Variants in R3HDM2 observed in about 807,000 individuals in gnomAD.
The protein encoded by R3HDM2 is R3H domain containing 2.
A neutral mutation model predicts 124.5 loss-of-function variants in R3HDM2; 38 were observed. That is an observed-to-expected ratio of 0.31 (90% confidence interval 0.24 to 0.40). R3HDM2 has a LOEUF of 0.40. Among genes scored for constraint, R3HDM2 ranks in the 10% least tolerant of loss-of-function variants. The pLI, the probability that R3HDM2 is intolerant of heterozygous loss-of-function variation, is 1.00. For synonymous variants in R3HDM2, 391 were observed against 448.0 expected, an observed-to-expected ratio of 0.87 and a Z score of 1.61; for missense variants, 869 against 1,236.9, an observed-to-expected ratio of 0.70 and a Z score of 4.46.
chr12:57,286,622 C>T (rs781132981), intron 12 of R3HDM2, among the ~76,000 whole-genome samples: 1 of 152,090 alleles, frequency 6.6e-6, no homozygotes, highest in Non-Finnish European at 1.5e-5. Context: ...TGGCTCACGC[C>T]TGTAATATGA....
chr12:57,264,532 A>G (rs2041824335), intron 19 of R3HDM2, among the ~76,000 whole-genome samples: 1 of 151,802 alleles, frequency 6.6e-6, no homozygotes, highest in Admixed American at 6.6e-5. Context: ...AGATTGCACC[A>G]CTGCACTCCA....
chr12:57,401,707 G>C (rs1205033827), intron 1 of R3HDM2, among the ~76,000 whole-genome samples: 6 of 152,336 alleles, frequency 3.9e-5, no homozygotes, highest in African/African-American at 1.4e-4. Flanking sequence ...TATTCTGCCA[G>C]GCACAGTGGC....
rs1401318571 is a variant in R3HDM2, at chr12:57,392,427, A to G, written c.-36+3322T>C. On this transcript the variant is annotated intron_variant, in intron 2 of 23. Transcript: ENST00000402412. The stretch of plus-strand genomic sequence containing the variant: ...ATGCACAGTTCACAATAGAGTTCAC[A>G]CTCCTATGAGAATCTAATGCCACTG... 3.9e-5 allele frequency among the ~76,000 whole-genome samples: 6 copies of G among 152,064 alleles called. No homozygotes were observed. The East Asian group carries it at 5.8e-4, about 15-fold the overall frequency.
chr12:57,410,754 G>A (rs908045588), intron 1 of R3HDM2, among the ~76,000 whole-genome samples: 2 of 152,186 alleles, frequency 1.3e-5, no homozygotes, highest in African/African-American at 4.8e-5. Context: ...GTGGGAGGAT[G>A]AGGCAGAAGG....
At chr12:57,262,925 CTG>C (rs1442013537) in intron 19 of R3HDM2, among the ~76,000 whole-genome samples, 2 of 152,250 alleles carry the variant, frequency 1.3e-5, no homozygotes, top group African/African-American at 4.8e-5. Flanking sequence ...GGAGATAAAA[CTG>C]AGAAAATTCC....
chr12:57,309,062 C>T (rs1432227711), intron 3 of R3HDM2, among the ~76,000 whole-genome samples: 1 of 152,206 alleles, frequency 6.6e-6, no homozygotes, highest in African/African-American at 2.4e-5. Context: ...GAAAAGCAGG[C>T]AGCTAGAGAA....
intron 14 of R3HDM2, among the ~76,000 whole-genome samples, chr12:57,272,747 T>C (rs1047690469): frequency 4.6e-5 from 7 of 152,132 alleles, no homozygotes; most frequent in South Asian, 4.1e-4. Context: ...CCGGGACAGC[T>C]TGAAGATTTA....
At chr12:57,305,793 T>C (rs1439805009) in intron 3 of R3HDM2, 3 of 394,050 alleles carry the variant, frequency 7.6e-6, no homozygotes, top group South Asian at 1.4e-4. Flanking sequence ...GATTCATACA[T>C]TTACAGATAT....
At chr12:57,423,913 G>A (rs374051317) in intron 1 of R3HDM2, among the ~76,000 whole-genome samples, 2 of 149,442 alleles carry the variant, frequency 1.3e-5, no homozygotes, top group African/African-American at 4.9e-5. Flanking sequence ...TCAGGAGTTC[G>A]AGGCCAGCCT....
intron 10 of R3HDM2, among the ~76,000 whole-genome samples, chr12:57,293,627 T>G (rs1242846203): frequency 6.6e-6 from 1 of 152,164 alleles, no homozygotes; most frequent in Non-Finnish European, 1.5e-5. Context: ...TTATCCATCC[T>G]GCTCTTGAAG....
At chr12:57,268,841 T>C in intron 17 of R3HDM2, 81 bp downstream of exon 17, 1 of 1,492,742 alleles carries the variant, frequency 6.7e-7, no homozygotes, top group Non-Finnish European at 9.0e-7. Context: ...TTGGAGTTTT[T>C]AGTATGGATG....
intron 10 of R3HDM2, among the ~76,000 whole-genome samples, chr12:57,293,495 A>C (rs780695182): frequency 1.1e-4 from 17 of 151,958 alleles, no homozygotes; most frequent in Non-Finnish European, 1.6e-4. Flanking sequence ...AGGTAACCAG[A>C]CGGGATGGCT....
chr12:57,304,899 T>C (rs1363002576), intron 3 of R3HDM2, among the ~76,000 whole-genome samples: 2 of 152,134 alleles, frequency 1.3e-5, no homozygotes, highest in Non-Finnish European at 2.9e-5. Flanking sequence ...AAACCAAATA[T>C]ATTGGCTGGG....
chr12:57,307,479 C>T (rs1190851186), intron 3 of R3HDM2, among the ~76,000 whole-genome samples: 1 of 151,708 alleles, frequency 6.6e-6, no homozygotes, highest in Non-Finnish European at 1.5e-5. Context: ...CGCCACCAGG[C>T]CCAGCTAATT....
At chr12:57,396,998 G>A (rs1566483364) in intron 1 of R3HDM2, among the ~76,000 whole-genome samples, 1 of 151,412 alleles carries the variant, frequency 6.6e-6, no homozygotes, top group Non-Finnish European at 1.5e-5. Flanking sequence ...GAGGCTGAGG[G>A]AGGAGAATGG....
chr12:57,320,819 TTAGA>T (rs1267933712), intron 2 of R3HDM2, among the ~76,000 whole-genome samples: 7 of 152,126 alleles, frequency 4.6e-5, no homozygotes, highest in Non-Finnish European at 1.0e-4. Context: ...AAGGAATATG[TTAGA>T]TAGGGGATAT....
At chr12:57,268,231 AC>A (rs2042890495) in intron 18 of R3HDM2, 71 bp downstream of exon 18, 1 of 1,538,548 alleles carries the variant, frequency 6.5e-7, no homozygotes, top group South Asian at 1.2e-5. Flanking sequence ...GCCAGTGGAA[AC>A]AAAACCATGA....
At chr12:57,271,849 A>C (rs769654755) in intron 14 of R3HDM2, among the ~76,000 whole-genome samples, 7 of 152,164 alleles carry the variant, frequency 4.6e-5, no homozygotes, top group Non-Finnish European at 7.3e-5. Flanking sequence ...AAACAGGGGA[A>C]CAGTTTAAGT....
intron 1 of R3HDM2, 105 bp downstream of exon 1, chr12:57,430,615 G>A (rs1869646226): frequency 1.2e-5 from 12 of 984,554 alleles, no homozygotes; most frequent in Non-Finnish European, 1.4e-5. Context: ...CGGGCGCGAG[G>A]AACCCAGGCC....
Sources: gnomAD v4.1 joint callset for allele counts (sites outside exome capture counted in the v4.1 genomes callset) on GRCh38, gnomAD v4.1.1 for gene constraint, MANE v1.5 for transcripts, NCBI Gene and HGNC (gene_info 2026-07-23, HGNC 2026-07-21) for gene names.